Variants in CDK8 observed in about 807,000 individuals in gnomAD.
The protein encoded by CDK8 is cyclin-dependent kinase 8.
In CDK8, 29 loss-of-function variants were observed where a neutral mutation model predicts 71.5. The ratio of observed to expected loss-of-function variants is 0.41; its 90% CI spans 0.30 to 0.55. CDK8 has a LOEUF of 0.55. CDK8 is among the 20% of genes least tolerant of loss of function. The probability of loss-of-function intolerance (pLI) is 0.37; values close to 1 mark genes in which losing one functional copy is unlikely to be tolerated. For synonymous variants in CDK8, 161 were observed against 192.1 expected, an observed-to-expected ratio of 0.84 and a Z score of 1.34; for missense variants, 288 against 572.6, an observed-to-expected ratio of 0.50 and a Z score of 5.07.
At chr13:26,289,733 G>C (rs1201848576) in intron 1 of CDK8, among the ~76,000 whole-genome samples, 3 of 152,042 alleles carry the variant, frequency 2.0e-5, no homozygotes, top group Non-Finnish European at 4.4e-5. Context: ...TGTATTTTTA[G>C]TAGAGATGGG....
intron 4 of CDK8, among the ~76,000 whole-genome samples, chr13:26,367,967 T>TA (rs1486728598): frequency 6.6e-6 from 1 of 152,196 alleles, no homozygotes; most frequent in East Asian, 1.9e-4. Context: ...ATTCTGGACT[T>TA]ATTAGCCCAG....
chr13:26,333,826 G>A (rs961636791), intron 1 of CDK8, among the ~76,000 whole-genome samples: 2 of 152,010 alleles, frequency 1.3e-5, no homozygotes, highest in African/African-American at 2.4e-5. Flanking sequence ...AGGGATACTC[G>A]GTCTGTATTG....
intron 1 of CDK8, among the ~76,000 whole-genome samples, chr13:26,269,794 A>C (rs941555890): frequency 6.6e-6 from 1 of 151,898 alleles, no homozygotes; most frequent in Non-Finnish European, 1.5e-5. Flanking sequence ...TTTTTTTCTT[A>C]GTAAAATTCT....
rs989726279 is a variant in CDK8 at position 26,404,720 on chromosome 13, T to C, written c.*639T>C. 8 of 226,520 alleles carry C rather than the reference T, an allele frequency of 3.5e-5. No individual in the cohort carries two copies. The highest frequency in any genetic ancestry group is 2.6e-3 in the Middle Eastern group (2 of 772). The allele number at this position is 226,520 out of a possible 1,614,324, so 14.0% of individuals were successfully genotyped here. ...CTCCCAAAGATTAACTTCCAACTTA[T>C]AAGTTTGTTTTTATTTTCAATCTAT... On this transcript the variant is annotated 3_prime_UTR_variant, in exon 13 of 13. Coordinates refer to ENST00000381527, the MANE Select transcript of CDK8 (RefSeq NM_001260.3).
intron 1 of CDK8, among the ~76,000 whole-genome samples, chr13:26,292,049 T>C (rs879927902): frequency 1.1e-4 from 17 of 152,250 alleles, no homozygotes; most frequent in African/African-American, 3.4e-4. Context: ...ATTCATACAT[T>C]ATGTTCATAG....
chr13:26,355,982 G>A (rs1226275349), intron 4 of CDK8, among the ~76,000 whole-genome samples: 2 of 151,998 alleles, frequency 1.3e-5, no homozygotes, highest in Non-Finnish European at 2.9e-5. Context: ...TATTAAGTAT[G>A]GTAGTGAAAA....
chr13:26,296,550 A>AT (rs879864875), intron 1 of CDK8, among the ~76,000 whole-genome samples: 1 of 152,222 alleles, frequency 6.6e-6, no homozygotes, highest in Non-Finnish European at 1.5e-5. Flanking sequence ...GCTCTGGGTG[A>AT]TATCAGGTAC....
At chr13:26,341,596 A>G (rs771372234) in intron 2 of CDK8, among the ~76,000 whole-genome samples, 1 of 152,156 alleles carries the variant, frequency 6.6e-6, no homozygotes, top group Non-Finnish European at 1.5e-5. Context: ...TATCTTTGCT[A>G]TATTATGAAG....
chr13:26,377,211 G>C (rs1365859570), intron 4 of CDK8, among the ~76,000 whole-genome samples: 1 of 152,226 alleles, frequency 6.6e-6, no homozygotes, highest in African/African-American at 2.4e-5. Flanking sequence ...CCCAACAGGG[G>C]GTGCAGCCCC....
At chr13:26,358,533 C>T (rs1216652336) in intron 4 of CDK8, among the ~76,000 whole-genome samples, 1 of 152,030 alleles carries the variant, frequency 6.6e-6, no homozygotes, top group African/African-American at 2.4e-5. Flanking sequence ...TTTCTAACAC[C>T]GTTGTCAGGA....
chr13:26,320,904 C>T (rs73160323), intron 1 of CDK8, among the ~76,000 whole-genome samples: 7,894 of 152,174 alleles, frequency 0.052, 232 homozygotes, highest in South Asian at 0.11. Context: ...GAAATTGGAA[C>T]TCTTGTGCAC....
rs1241451349 is a variant in CDK8 at position 26,310,095 on chromosome 13, A to G, written c.129-27472A>G. ...AATATATAGCTTAGAGGTATTAAGTACATTCACATCATTGTGCAGCTATCA... is the reference window on the plus strand; with the variant it reads ...AATATATAGCTTAGAGGTATTAAGTGCATTCACATCATTGTGCAGCTATCA... On this transcript the variant is annotated intron_variant, in intron 1 of 12. Transcript: ENST00000381527. Among the ~76,000 whole-genome samples, 7 of 152,218 alleles carry G rather than the reference A, an allele frequency of 4.6e-5. No individual in the cohort carries two copies. The East Asian group carries it at 9.6e-4, about 21-fold the overall frequency.
intron 1 of CDK8, among the ~76,000 whole-genome samples, chr13:26,307,919 A>C (rs1182813439): frequency 6.6e-6 from 1 of 152,152 alleles, no homozygotes; most frequent in African/African-American, 2.4e-5. Flanking sequence ...GCTGTACCTT[A>C]CTCATTTTAT....
intron 5 of CDK8, 108 bp downstream of exon 5, chr13:26,382,979 C>A: frequency 3.3e-6 from 2 of 597,538 alleles, no homozygotes; most frequent in East Asian, 2.8e-5. Flanking sequence ...CATGTAGTTC[C>A]ATATGATCGA....
Position 26,404,848 on chromosome 13 carries a change from CAG to C in CDK8, c.*768_*769del, listed in dbSNP as rs1876437638. On this transcript the variant is annotated 3_prime_UTR_variant, in exon 13 of 13. Coordinates refer to ENST00000381527, the MANE Select transcript of CDK8 (RefSeq NM_001260.3). ...AACAAACTAAAATGATTGTCATAGA[CAG>C]TGTTTTATTTTTCCTGTTGGTGTTG... The C allele has an allele frequency of 4.7e-6, 1 of 215,044 alleles. No homozygotes were observed. 13.3% of individuals were successfully genotyped at this position (215,044 alleles called of 1,614,324 possible). A position where few individuals can be genotyped will look rare whatever the true frequency, so the allele number is the denominator to read the frequency against.
intron 1 of CDK8, among the ~76,000 whole-genome samples, chr13:26,334,460 T>G (rs1390604123): frequency 6.6e-6 from 1 of 152,190 alleles, no homozygotes; most frequent in Non-Finnish European, 1.5e-5. Context: ...TGTCCTTAAC[T>G]TCGTCTTTCT....
intron 1 of CDK8, among the ~76,000 whole-genome samples, chr13:26,268,021 A>T (rs1872108298): frequency 6.6e-6 from 1 of 152,152 alleles, no homozygotes; most frequent in South Asian, 2.1e-4. Flanking sequence ...CAAGCAGGTC[A>T]GTTTCCTAGG....
At chr13:26,384,026 A>T (rs2182850) in intron 5 of CDK8, among the ~76,000 whole-genome samples, 8,887 of 152,288 alleles carry the variant, frequency 0.058, 870 homozygotes, top group African/African-American at 0.2. Flanking sequence ...CCAGCCAAAC[A>T]GTAATTACAA....
chr13:26,273,069 A>T (rs753913699), intron 1 of CDK8, among the ~76,000 whole-genome samples: 7 of 152,102 alleles, frequency 4.6e-5, no homozygotes, highest in Non-Finnish European at 1.0e-4. Context: ...AAAAACTTCT[A>T]TGTTTTTTCC....
Sources: allele counts gnomAD v4.1 joint callset (sites outside exome capture counted in the v4.1 genomes callset), GRCh38; gene constraint gnomAD v4.1.1; transcripts MANE v1.5; gene names NCBI Gene and HGNC (gene_info 2026-07-23, HGNC 2026-07-21).